The following NCOR1 variants were observed in gnomAD, a reference collection of about 807,000 sequenced individuals.
The protein encoded by NCOR1 is protein phosphatase 1, regulatory subunit 109.
In NCOR1, 63 loss-of-function variants were observed where a neutral mutation model predicts 288.1. The ratio of observed to expected loss-of-function variants is 0.22; its 90% confidence interval spans 0.18 to 0.27. The LOEUF is 0.27. Ranked by LOEUF, NCOR1 falls within the 10% of genes least tolerant of loss-of-function variation. The pLI, the probability that NCOR1 is intolerant of heterozygous loss-of-function variation, is 1.00. For synonymous variants in NCOR1, 1,007 were observed against 1,065.9 expected, an observed-to-expected ratio of 0.94 and a Z score of 1.08; for missense variants, 2,397 against 3,019.2, an observed-to-expected ratio of 0.79 and a Z score of 4.83.
intron 40 of NCOR1, chr17:16,049,274 C>A (rs3815039): frequency 0.45 from 95,297 of 213,036 alleles, 23,680 homozygotes; most frequent in Middle Eastern, 0.55. Flanking sequence ...GCAGAAGCTG[C>A]GTCCTTGAGG....
chr17:16,170,260 G>A (rs565276178), intron 4 of NCOR1, among the ~76,000 whole-genome samples: 3 of 151,832 alleles, frequency 2.0e-5, no homozygotes, highest in Non-Finnish European at 4.4e-5. Context: ...TCTGGTATCA[G>A]GGAAGAAAGG....
chr17:16,121,300 G>A (rs2153154582), intron 15 of NCOR1, 31 bp from the exon 16 acceptor site: 1 of 1,584,548 alleles, frequency 6.3e-7, no homozygotes, highest in South Asian at 1.1e-5. Context: ...AAACTTGTGT[G>A]ATTCCAAAGT....
rs184320753 is a variant in NCOR1, at chr17:16,172,127, T to C, written c.243-132A>G. The C allele has an allele frequency of 2.8e-5, 18 of 643,416 alleles. No homozygotes were observed. The East Asian group carries it at 5.5e-4, about 20-fold the overall frequency. The allele number at this position is 643,416 out of a possible 1,614,324, so 39.9% of individuals were successfully genotyped here. ...TACATTCAAAGTGAATCCGTACCCC[T>C]TCTGTTCCCACCCCCAAAGAATATA... On this transcript the variant is annotated intron_variant, in intron 3 of 45. Coordinates refer to ENST00000268712, the MANE Select transcript of NCOR1 (RefSeq NM_006311.4).
intron 42 of NCOR1, chr17:16,045,012 AG>A: frequency 2.2e-6 from 1 of 457,288 alleles, no homozygotes; most frequent in East Asian, 4.3e-5. Flanking sequence ...AAAAAAAAAA[AG>A]AATAAACCAG....
At chr17:16,081,384 A>C (rs866696410) in intron 23 of NCOR1, among the ~76,000 whole-genome samples, 1 of 3,220 alleles carries the variant, frequency 3.1e-4, no homozygotes, top group Non-Finnish European at 0.012. Flanking sequence ...TATTTATTTA[A>C]AAAAAAAAAA....
At chr17:16,084,644 G>A (rs1446831601) in intron 23 of NCOR1, among the ~76,000 whole-genome samples, 1 of 152,194 alleles carries the variant, frequency 6.6e-6, no homozygotes, top group Non-Finnish European at 1.5e-5. Flanking sequence ...ACAGCATGGA[G>A]ACAGTGCAGA....
chr17:16,182,355 TCTA>T (rs2085650056), intron 3 of NCOR1, among the ~76,000 whole-genome samples: 1 of 152,218 alleles, frequency 6.6e-6, no homozygotes. Context: ...TGTTCAATGA[TCTA>T]CTACTACTAA....
At chr17:16,109,232 C>T (rs1164688910) in intron 18 of NCOR1, among the ~76,000 whole-genome samples, 2 of 151,706 alleles carry the variant, frequency 1.3e-5, no homozygotes, top group Non-Finnish European at 2.9e-5. Flanking sequence ...ATAATGTTAT[C>T]TAATAAAAAC....
At chr17:16,190,475 C>T in intron 2 of NCOR1, among the ~76,000 whole-genome samples, 1 of 151,870 alleles carries the variant, frequency 6.6e-6, no homozygotes, top group Non-Finnish European at 1.5e-5. Flanking sequence ...GCTGGAACTA[C>T]AGGCGCCCAA....
At chr17:16,061,335 G>T in intron 37 of NCOR1, 66 bp downstream of exon 37, 1 of 1,531,974 alleles carries the variant, frequency 6.5e-7, no homozygotes, top group South Asian at 1.3e-5. Flanking sequence ...AGTTCTACTT[G>T]ACCTAAAGAA....
At chr17:16,034,172 T>C (rs185885565) in intron 45 of NCOR1, among the ~76,000 whole-genome samples, 5 of 152,340 alleles carry the variant, frequency 3.3e-5, no homozygotes, top group African/African-American at 4.8e-5. Flanking sequence ...TTGCAAATAG[T>C]CAATGTTCGC....
At chr17:16,150,092 G>A (rs1403165511) in intron 8 of NCOR1, among the ~76,000 whole-genome samples, 1 of 152,036 alleles carries the variant, frequency 6.6e-6, no homozygotes, top group Non-Finnish European at 1.5e-5. Context: ...TAAATTGGAA[G>A]CATTGTGACC....
intron 37 of NCOR1, among the ~76,000 whole-genome samples, chr17:16,061,112 A>G (rs2060504177): frequency 6.6e-6 from 1 of 152,202 alleles, no homozygotes; most frequent in Middle Eastern, 3.2e-3. Context: ...GCCTGGCGAT[A>G]TATCCATTAC....
At chr17:16,132,076 G>C (rs1479311979) in intron 14 of NCOR1, among the ~76,000 whole-genome samples, 1 of 152,158 alleles carries the variant, frequency 6.6e-6, no homozygotes, top group Admixed American at 6.5e-5. Flanking sequence ...CTAGCTAACA[G>C]TTTAGTCAGA....
intron 21 of NCOR1, among the ~76,000 whole-genome samples, chr17:16,092,963 C>T (rs1167060293): frequency 6.6e-6 from 1 of 151,566 alleles, no homozygotes; most frequent in African/African-American, 2.4e-5. Flanking sequence ...CTCAGCCTCC[C>T]GAAATGCTGG....
intron 44 of NCOR1, among the ~76,000 whole-genome samples, chr17:16,038,773 G>GTGTA (rs769173086): frequency 2.0e-5 from 3 of 151,632 alleles, no homozygotes; most frequent in Non-Finnish European, 4.4e-5. Context: ...GTGTGTGTCT[G>GTGTA]TGTATGTATG....
chr17:16,134,893 C>T (rs2076161586), intron 14 of NCOR1, among the ~76,000 whole-genome samples: 1 of 152,224 alleles, frequency 6.6e-6, no homozygotes, highest in African/African-American at 2.4e-5. Context: ...GGCGCCGTGG[C>T]TCATGCCTGT....
intron 18 of NCOR1, among the ~76,000 whole-genome samples, chr17:16,113,349 G>A (rs1198912278): frequency 2.6e-5 from 4 of 151,922 alleles, no homozygotes; most frequent in African/African-American, 9.7e-5. Context: ...AATTCTCAAG[G>A]TGCTTCCACA....
At chr17:16,127,617 G>GTA (rs1417537243) in intron 14 of NCOR1, among the ~76,000 whole-genome samples, 2 of 128,468 alleles carry the variant, frequency 1.6e-5, no homozygotes, top group African/African-American at 7.5e-5. Flanking sequence ...ATATGTGTAT[G>GTA]TGTATATATA....
Sources: gnomAD v4.1 joint callset for allele counts (sites outside exome capture counted in the v4.1 genomes callset) on GRCh38, gnomAD v4.1.1 for gene constraint, MANE v1.5 for transcripts, NCBI Gene and HGNC (gene_info 2026-07-23, HGNC 2026-07-21) for gene names.